The following IREB2 variants were observed in gnomAD, a reference collection of about 807,000 sequenced individuals.
The protein encoded by IREB2 is iron-responsive element-binding protein 2.
Under a neutral mutation model 118.8 loss-of-function variants are expected in IREB2, and 39 were observed. The ratio of observed to expected loss-of-function variants is 0.33; its 90% CI spans 0.25 to 0.43. The LOEUF (loss-of-function observed/expected upper bound fraction) is 0.43. Ranked by LOEUF, IREB2 falls within the 20% of genes least tolerant of loss-of-function variation. The probability of loss-of-function intolerance (pLI) is 1.00; values close to 1 mark genes in which losing one functional copy is unlikely to be tolerated. For missense variants in IREB2, 900 were observed against 1,147.3 expected (o/e 0.78, Z 3.11); for synonymous variants, 372 against 392.2 (o/e 0.95, Z 0.61).
chr15:78,490,833 T>C, intron 18 of IREB2, 72 bp downstream of exon 18: 2 of 1,399,398 alleles, frequency 1.4e-6, no homozygotes, highest in Non-Finnish European at 9.9e-7. Flanking sequence ...TCTATTGGTC[T>C]TGTTCCTTTT....
intron 20 of IREB2, among the ~76,000 whole-genome samples, chr15:78,494,701 G>A (rs886344201): frequency 6.6e-6 from 1 of 152,118 alleles, no homozygotes; most frequent in Non-Finnish European, 1.5e-5. Context: ...AGCCTCCCAA[G>A]TAGCTGGGAC....
At chr15:78,495,708 T>TA (rs1451037280) in intron 20 of IREB2, among the ~76,000 whole-genome samples, 1 of 152,050 alleles carries the variant, frequency 6.6e-6, no homozygotes, top group Non-Finnish European at 1.5e-5. Context: ...TAAAAATTTG[T>TA]AAAAAATGAG....
chr15:78,438,124 G>GT (rs560628141), upstream of IREB2: 48 of 566,902 alleles, frequency 8.5e-5, no homozygotes, highest in South Asian at 8.6e-4. Flanking sequence ...CCCTTTCTTT[G>GT]TTTTCCTGTC....
chr15:78,495,434 G>T (rs1167956801), intron 20 of IREB2, among the ~76,000 whole-genome samples: 1 of 152,180 alleles, frequency 6.6e-6, no homozygotes, highest in Non-Finnish European at 1.5e-5. Flanking sequence ...ACAAGCCATG[G>T]ATGGGGGCTG....
chr15:78,463,491 TG>T (rs369389509), intron 3 of IREB2, among the ~76,000 whole-genome samples: 12 of 138,054 alleles, frequency 8.7e-5, no homozygotes, highest in African/African-American at 2.8e-4. Flanking sequence ...GATGGCTCTG[TG>T]TTTTTTTGTT....
rs542244880 is a variant in IREB2 at position 78,459,496 on chromosome 15, C to T, written c.107-3426C>T. Among the ~76,000 whole-genome samples the T allele has an allele frequency of 4.6e-5, 7 of 152,244 alleles. No homozygotes were observed. In the South Asian group the frequency reaches 1.2e-3, roughly 27 times the overall value. ...TCCTGAATAGCTTGGATTACAGGTGCATGCCACCATGCCAGGCTAATTTTT... is the reference window on the plus strand; with the variant it reads ...TCCTGAATAGCTTGGATTACAGGTGTATGCCACCATGCCAGGCTAATTTTT... On this transcript the variant is annotated intron_variant, in intron 2 of 21. Transcript: ENST00000258886.
intron 11 of IREB2, among the ~76,000 whole-genome samples, chr15:78,483,950 A>G (rs187463654): frequency 1.0e-3 from 152 of 151,912 alleles, no homozygotes; most frequent in Non-Finnish European, 1.5e-3. Flanking sequence ...ATTCCTGGGT[A>G]ATTTTTGTAT....
chr15:78,480,686 T>TAAA (rs373261767), intron 10 of IREB2, among the ~76,000 whole-genome samples: 55,404 of 89,616 alleles, frequency 0.62, 18,279 homozygotes, highest in Non-Finnish European at 0.7. Context: ...GAGACTGTCT[T>TAAA]AAAAAAAAAA....
intron 2 of IREB2, among the ~76,000 whole-genome samples, chr15:78,459,110 G>A (rs756911873): frequency 7.2e-5 from 11 of 151,910 alleles, no homozygotes; most frequent in Non-Finnish European, 1.5e-4. Flanking sequence ...TATTCTTAAC[G>A]GGAAAAAAAA....
chr15:78,484,406 T>A (rs185645455), intron 11 of IREB2, among the ~76,000 whole-genome samples: 12 of 152,272 alleles, frequency 7.9e-5, no homozygotes, highest in Non-Finnish European at 1.5e-4. Context: ...TTGGAGGAAA[T>A]CTTCGGGGTC....
Position 78,471,346 on chromosome 15 carries a change from G to A in IREB2, c.700-395G>A, listed in dbSNP as rs202152630. Among the ~76,000 whole-genome samples the A allele has an allele frequency of 7.9e-5, 12 of 152,260 alleles. No homozygotes were observed. In the East Asian group the frequency reaches 1.5e-3, roughly 20 times the overall value. Reference sequence around the variant, plus strand: ...TCTAAAGGTTTTATAGTAGTAGAACGCTTTTGTTCCTCAAATGAAATCTTA... The same window carrying A: ...TCTAAAGGTTTTATAGTAGTAGAACACTTTTGTTCCTCAAATGAAATCTTA... On this transcript the variant is annotated intron_variant, in intron 6 of 21. Transcript: ENST00000258886.
chr15:78,485,574 A>C, intron 12 of IREB2, 131 bp from the exon 13 acceptor site: 1 of 949,226 alleles, frequency 1.1e-6, no homozygotes, highest in East Asian at 2.6e-5. Context: ...AAGTGGACAA[A>C]ATAATGACAG....
chr15:78,473,446 C>T (rs1217336543), intron 8 of IREB2, 65 bp downstream of exon 8: 16 of 1,410,238 alleles, frequency 1.1e-5, no homozygotes, highest in African/African-American at 2.9e-5. Flanking sequence ...TTGAAGAGCT[C>T]TATGAGAGCA....
chr15:78,476,031 C>T (rs536248156), intron 8 of IREB2, 157 bp from the exon 9 acceptor site: 1 of 488,822 alleles, frequency 2.0e-6, no homozygotes, highest in African/African-American at 1.9e-5. Flanking sequence ...TAAAATACCC[C>T]CAAAACCAGA....
chr15:78,478,322 A>G lies in IREB2; in HGVS notation c.1221A>G (p.Ser407=). Residue 407 remains serine (S), a synonymous_variant, in exon 10 of 22, where the codon TCA becomes TCG. Transcript: ENST00000258886. ...GTTTTAGCAAAGCCAAACTCGAATC[A>G]ATGGAAACATACCTTAAAGCTGTGA... is the stretch of plus-strand genomic sequence containing the variant. The part of the protein sequence containing the change: ...HTGFSKAKLE[S]METYLKAVKL... The G allele has an allele frequency of 1.2e-6, 2 of 1,613,222 alleles. No homozygotes were observed. The highest frequency in any genetic ancestry group is 1.7e-6 in the Non-Finnish European group (2 of 1,179,244).
At chr15:78,448,351 G>A (rs932883054) in intron 2 of IREB2, among the ~76,000 whole-genome samples, 1 of 152,026 alleles carries the variant, frequency 6.6e-6, no homozygotes, top group Admixed American at 6.6e-5. Flanking sequence ...CACCATGTTG[G>A]CCAGGCTGGT....
At chr15:78,441,378 TGA>T (rs1351415838) in intron 2 of IREB2, among the ~76,000 whole-genome samples, 4 of 152,236 alleles carry the variant, frequency 2.6e-5, no homozygotes, top group African/African-American at 7.2e-5. Flanking sequence ...TCACTGATGG[TGA>T]GTTTGCATTA....
chr15:78,475,313 T>C (rs1255089233), intron 8 of IREB2: 7 of 152,154 alleles, frequency 4.6e-5, no homozygotes, highest in Non-Finnish European at 2.9e-5. Flanking sequence ...TACTTGATAG[T>C]ATAATAACCA....
chr15:78,495,181 C>G (rs930406606), intron 20 of IREB2, among the ~76,000 whole-genome samples: 1 of 152,108 alleles, frequency 6.6e-6, no homozygotes, highest in Non-Finnish European at 1.5e-5. Context: ...CCATGCAGGC[C>G]TCATTCTTAT....
Sources: allele counts gnomAD v4.1 joint callset (sites outside exome capture counted in the v4.1 genomes callset), GRCh38; gene constraint gnomAD v4.1.1; transcripts MANE v1.5; gene names NCBI Gene and HGNC (gene_info 2026-07-23, HGNC 2026-07-21).